Variants in ZNF716 observed in about 807,000 individuals in gnomAD.
The protein encoded by ZNF716 is zinc finger protein 716.
Under a neutral mutation model 13.4 loss-of-function variants are expected in ZNF716, and 9 were observed. The ratio of observed to expected loss-of-function variants is 0.67; its 90% confidence interval spans 0.41 to 1.18. The LOEUF is 1.18. ZNF716 is among the 50% of genes most tolerant of loss of function. The probability of loss-of-function intolerance (pLI) is 0.01; values close to 1 mark genes in which losing one functional copy is unlikely to be tolerated. For synonymous variants in ZNF716, 186 were observed against 195.2 expected, an observed-to-expected ratio of 0.95 and a Z score of 0.39; for missense variants, 581 against 576.6, an observed-to-expected ratio of 1.01 and a Z score of -0.08.
chr7:57,464,122 C>CTTTTTTTTTTTTTTTTT (rs71065117), intron 3 of ZNF716, among the ~76,000 whole-genome samples: 1 of 125,836 alleles, frequency 7.9e-6, no homozygotes, highest in Non-Finnish European at 1.6e-5. Context: ...TTTCTTTTTT[C>CTTTTTTTTTTTTTTTTT]TTTTTTTTTT....
chr7:57,464,115 C>CTTTTTTTTTTTTTTTTTTTTTTTTT lies in ZNF716; in HGVS notation c.262+953_262+954insTTTTTTTTTTTTTTTTTTTTTTTTT, dbSNP rs782745508. 2.7e-5 allele frequency among the ~76,000 whole-genome samples: 3 copies of CTTTTTTTTTTTTTTTTTTTTTTTTT among 110,240 alleles called. 1 individual carries two copies. The highest frequency in any genetic ancestry group is 1.1e-4 in the Admixed American group (1 of 8,864). The allele number at this position is 110,240 out of a possible 152,430, so 72.3% of individuals were successfully genotyped here. ...AGGTAGTTCAATCATTTGTCCATTT[C>CTTTTTTTTTTTTTTTTTTTTTTTTT]TTTTTTCTTTTTTTTTTTTTTTTGA... On this transcript the variant is annotated intron_variant, in intron 3 of 3. Coordinates refer to ENST00000420713, the MANE Select transcript of ZNF716 (RefSeq NM_001159279.1).
chr7:57,459,992 G>T (rs1789678547), intron 1 of ZNF716, among the ~76,000 whole-genome samples: 1 of 110,988 alleles, frequency 9.0e-6, no homozygotes, highest in Admixed American at 9.9e-5. Flanking sequence ...CAAGATGCAG[G>T]TTTGATATGT....
intron 3 of ZNF716, among the ~76,000 whole-genome samples, chr7:57,465,822 G>A (rs1351153173): frequency 6.6e-6 from 1 of 152,132 alleles, no homozygotes; most frequent in East Asian, 1.9e-4. Flanking sequence ...AGAAAATGTG[G>A]CACATACACA....
chr7:57,465,195 G>A (rs868966851), intron 3 of ZNF716, among the ~76,000 whole-genome samples: 7 of 152,078 alleles, frequency 4.6e-5, no homozygotes, highest in East Asian at 1.9e-4. Flanking sequence ...ATTTTGACCC[G>A]TGAGCAAAAA....
intron 1 of ZNF716, among the ~76,000 whole-genome samples, chr7:57,452,480 C>CA (rs71065114): frequency 0.28 from 42,311 of 149,272 alleles, 5,975 homozygotes; most frequent in South Asian, 0.32. Context: ...ACTAAAAATG[C>CA]AAAAAAAAAT....
At position 57,471,009 on chromosome 7, in the gene ZNF716, C is replaced by T. The variant is rs6965218; in HGVS notation, c.*1060C>T. 1 of 152,038 alleles carries T rather than the reference C, an allele frequency of 6.6e-6. No individual in the cohort carries two copies. The highest frequency in any genetic ancestry group is 2.4e-5 in the African/African-American group (1 of 41,398). 9.4% of individuals were successfully genotyped at this position (152,038 alleles called of 1,614,324 possible). ...CAAAACTTTTAACAAATTTTCCCAT[C>T]TTATTGCACAGGAAGCCTTTTATAC... On this transcript the variant is annotated 3_prime_UTR_variant, in exon 4 of 4. Coordinates refer to ENST00000420713, the MANE Select transcript of ZNF716 (RefSeq NM_001159279.1).
chr7:57,469,817 T>C lies in ZNF716; in HGVS notation c.1356T>C (p.Asn452=), dbSNP rs137967121. 15,375 of 1,603,822 alleles carry C rather than the reference T, an allele frequency of 9.6e-3. 428 individuals carry two copies. Among genetic ancestry groups the C allele is most frequent in the Admixed American group, 0.095 (5,518 of 57,858 alleles). ...CCTTTACCTTCTCCTCAACTCTAAA[T>C]ACTCATAAGAGGATTCATACTGGAG... ...GKAFTFSSTL[N]THKRIHTGEK... is the part of the protein sequence containing the mutation. The change falls in exon 4 of 4, where the codon AAT becomes AAC. Residue 452 remains asparagine (N), a synonymous_variant. Transcript: ENST00000420713.
chr7:57,457,693 G>A (rs1316930517), intron 1 of ZNF716, among the ~76,000 whole-genome samples: 3 of 151,990 alleles, frequency 2.0e-5, no homozygotes, highest in Admixed American at 6.6e-5. Flanking sequence ...TACATGTGCA[G>A]GTTTGTTGTA....
At position 57,461,119 on chromosome 7, in the gene ZNF716, A is replaced by T. The variant is rs78538135; in HGVS notation, c.40-1341A>T. 5.7e-4 allele frequency among the ~76,000 whole-genome samples: 86 copies of T among 150,848 alleles called. 1 individual carries two copies. Among genetic ancestry groups the T allele is most frequent in the Admixed American group, 1.1e-3 (17 of 15,134 alleles). ...ACCTTGTCTCTGCTAAAAAAAAAAAAATACAAAAATTAGCCTGGCATGGTA... is the reference window on the plus strand; with the variant it reads ...ACCTTGTCTCTGCTAAAAAAAAAAATATACAAAAATTAGCCTGGCATGGTA... On this transcript the variant is annotated intron_variant, in intron 1 of 3. Transcript: ENST00000420713.
At chr7:57,451,131 C>T (rs1484048007) in intron 1 of ZNF716, among the ~76,000 whole-genome samples, 4 of 151,938 alleles carry the variant, frequency 2.6e-5, no homozygotes, top group East Asian at 1.9e-4. Flanking sequence ...GCGATTCTCC[C>T]GCCTCAGGCT....
At chr7:57,467,489 A>G (rs1367666139) in intron 3 of ZNF716, among the ~76,000 whole-genome samples, 5 of 151,982 alleles carry the variant, frequency 3.3e-5, no homozygotes, top group African/African-American at 1.2e-4. Flanking sequence ...TGCTGGTTAT[A>G]TTATTCTCAC....
intron 1 of ZNF716, 117 bp downstream of exon 1, chr7:57,450,444 A>G: frequency 6.4e-7 from 1 of 1,565,794 alleles, no homozygotes; most frequent in Non-Finnish European, 8.7e-7. Flanking sequence ...GAGGACCCAA[A>G]TCCTCCTTGT....
In ZNF716 at chr7:57,463,180, C is replaced by A. The variant is rs544764056; in HGVS notation, c.262+12C>A. 5 of 1,605,186 alleles carry A rather than the reference C, an allele frequency of 3.1e-6. No individual in the cohort carries two copies. In the Admixed American group the frequency reaches 6.7e-5, roughly 22 times the overall value. ...AGCCAAACACCCAGGTAGGTGAGAG[C>A]GAATGAAGCAGATGACACAGATGAG... On this transcript the variant is annotated intron_variant, in intron 3 of 3. Transcript: ENST00000420713.
chr7:57,455,596 A>G (rs1789571358), intron 1 of ZNF716, among the ~76,000 whole-genome samples: 1 of 152,024 alleles, frequency 6.6e-6, no homozygotes, highest in Admixed American at 6.6e-5. Flanking sequence ...AGCTCATTGC[A>G]ATCTCCACCT....
In ZNF716 at chr7:57,473,218, A is replaced by G. The variant is rs1789978389; in HGVS notation, c.*3269A>G. On this transcript the variant is annotated 3_prime_UTR_variant, in exon 4 of 4. Coordinates refer to ENST00000420713, the MANE Select transcript of ZNF716 (RefSeq NM_001159279.1). Reference sequence around the variant, plus strand: ...TTAGTTTCAATTTACATAGAGTTACATATACAAATATATTACTCTAAAGAT... The same window carrying G: ...TTAGTTTCAATTTACATAGAGTTACGTATACAAATATATTACTCTAAAGAT... 1 of 152,172 alleles carries G rather than the reference A, an allele frequency of 6.6e-6. No homozygotes were observed. Among genetic ancestry groups the G allele is most frequent in the Non-Finnish European group, 1.5e-5 (1 of 68,030 alleles). The allele number at this position is 152,172 out of a possible 1,614,324, so 9.4% of individuals were successfully genotyped here.
rs1789857776 is a variant in ZNF716, at chr7:57,468,789, G to A, written c.328G>A (p.Val110Met). Residue 110 changes from valine (V) to methionine (M), a missense_variant, in exon 4 of 4, where the codon GTG (valine) becomes ATG (methionine). Transcript: ENST00000420713. Reference sequence around the variant, plus strand: ...GGGCATAAAAGATTCACTCCAAAAAGTGATACTGAGAAGATATGGAAAATG... The same window carrying A: ...GGGCATAAAAGATTCACTCCAAAAAATGATACTGAGAAGATATGGAAAATG... ...EQGIKDSLQK[V>M]ILRRYGKCGQ... 1 of 1,613,578 alleles carries A rather than the reference G, an allele frequency of 6.2e-7. No homozygotes were observed.
chr7:57,462,798 T>C (rs4870664), intron 2 of ZNF716, among the ~76,000 whole-genome samples: 58,357 of 151,978 alleles, frequency 0.38, 11,411 homozygotes, highest in East Asian at 0.51. Flanking sequence ...TTGCTCTTGG[T>C]TAGTGGCAAT....
chr7:57,469,171 G>C lies in ZNF716; in HGVS notation c.710G>C (p.Gly237Ala). 1.2e-6 allele frequency: 2 copies of C among 1,612,514 alleles called. No homozygotes were observed. Among genetic ancestry groups the C allele is most frequent in the South Asian group, 1.1e-5 (1 of 90,952 alleles). The change falls in exon 4 of 4, where the codon GGA (glycine) becomes GCA (alanine). Residue 237 changes from glycine to alanine, a missense_variant. By Grantham distance (60) the Gly-to-Ala change is moderately conservative (BLOSUM62 0). Transcript: ENST00000420713. ...ACTAGACATAAAAGAATTCATACTG[G>C]AGAGAAACCCTACAGATGTGAGGAA... The part of the protein sequence containing the change: ...TLTRHKRIHT[G>A]EKPYRCEECG...
intron 2 of ZNF716, 83 bp downstream of exon 2, chr7:57,462,669 T>C (rs1323337057): frequency 1.7e-5 from 24 of 1,443,690 alleles, no homozygotes; most frequent in Non-Finnish European, 2.3e-5. Context: ...CTGCTTTGCA[T>C]GAATGAATTT....
Sources: allele counts gnomAD v4.1 joint callset (sites outside exome capture counted in the v4.1 genomes callset), GRCh38; gene constraint gnomAD v4.1.1; transcripts MANE v1.5; gene names NCBI Gene and HGNC (gene_info 2026-07-23, HGNC 2026-07-21).